The following PLEKHA7 variants were observed in gnomAD, a reference collection of about 807,000 sequenced individuals.
PLEKHA7 encodes the protein pleckstrin homology domain containing A7.
In PLEKHA7, 104 loss-of-function variants were observed where a neutral mutation model predicts 170.0. The ratio of observed to expected loss-of-function variants is 0.61; its 90% CI spans 0.52 to 0.72. The LOEUF is 0.72. Among genes scored for constraint, PLEKHA7 ranks in the 30% least tolerant of loss-of-function variants. The pLI, the probability that PLEKHA7 is intolerant of heterozygous loss-of-function variation, is 0.00. For synonymous variants in PLEKHA7, 648 were observed against 660.8 expected (o/e 0.98, Z 0.30); for missense variants, 1,615 against 1,671.7 (o/e 0.97, Z 0.59).
chr11:16,911,110 T>C (rs190186517), intron 3 of PLEKHA7, among the ~76,000 whole-genome samples: 36 of 152,330 alleles, frequency 2.4e-4, no homozygotes, highest in Non-Finnish European at 4.1e-4. Flanking sequence ...CCAAGAGGAA[T>C]CTGTTATAGG....
intron 19 of PLEKHA7, among the ~76,000 whole-genome samples, chr11:16,792,924 G>A (rs947057566): frequency 3.9e-5 from 6 of 152,138 alleles, no homozygotes; most frequent in Non-Finnish European, 8.8e-5. Flanking sequence ...CAGGCAAGCA[G>A]CACCACGCCC....
chr11:16,817,412 G>A lies in PLEKHA7; in HGVS notation c.1344-90C>T. Reference sequence around the variant, plus strand: ...TATCTAAGTAAACCCACAAAGCTGGGCATGTGGGACAGTCCTGTAAGAACC... The same window carrying A: ...TATCTAAGTAAACCCACAAAGCTGGACATGTGGGACAGTCCTGTAAGAACC... On this transcript the variant is annotated intron_variant, in intron 10 of 26. Transcript: ENST00000531066. This position sits in a 1 kb window ranked among gnomAD's most constrained non-coding sequence, Gnocchi z 4.4. The A allele has an allele frequency of 1.5e-6, 2 of 1,327,624 alleles. No individual in the cohort carries two copies. Among genetic ancestry groups the A allele is most frequent in the Admixed American group, 2.3e-5 (1 of 43,718 alleles). The allele number at this position is 1,327,624 out of a possible 1,614,324, so 82.2% of individuals were successfully genotyped here. A position where few individuals can be genotyped will look rare whatever the true frequency, so the allele number is the denominator to read the frequency against.
intron 8 of PLEKHA7, among the ~76,000 whole-genome samples, chr11:16,847,313 C>T (rs1474110621): frequency 5.3e-5 from 8 of 151,724 alleles, no homozygotes; most frequent in African/African-American, 1.7e-4. Flanking sequence ...AGGATGGTCT[C>T]GATCTCCTGA....
intron 8 of PLEKHA7, among the ~76,000 whole-genome samples, chr11:16,847,078 GTTTTTTTTTTTCTT>G (rs1852471208): frequency 1.5e-5 from 2 of 129,536 alleles, no homozygotes; most frequent in Non-Finnish European, 3.3e-5. Context: ...TGTGGCTGAA[GTTTTTTTTTTTCTT>G]TTTTTTTTTT....
Position 16,794,759 on chromosome 11 carries a change from C to A in PLEKHA7, c.2519-45G>T, listed in dbSNP as rs537485451. On this transcript the variant is annotated intron_variant, in intron 18 of 26. Transcript: ENST00000531066. ...ACAAAGCACGGGATGGAACAAAGAC[C>A]CCCTTCCTTGGAGGATGAGTGGAGT... 170 of 1,590,838 alleles carry A rather than the reference C, an allele frequency of 1.1e-4. No homozygotes were observed. The South Asian group carries it at 1.4e-3, about 14-fold the overall frequency.
chr11:16,883,521 C>T (rs116325979), intron 3 of PLEKHA7, among the ~76,000 whole-genome samples: 1,746 of 152,312 alleles, frequency 0.011, 31 homozygotes, highest in African/African-American at 0.04. Flanking sequence ...TTATCTCTCA[C>T]TGCTTCCTGA....
intron 3 of PLEKHA7, among the ~76,000 whole-genome samples, chr11:16,963,906 C>CTAAA (rs1862214751): frequency 6.6e-6 from 1 of 152,194 alleles, no homozygotes. Context: ...CAACCAACGC[C>CTAAA]ACTATGTTCC....
At chr11:16,958,640 G>T (rs1001919079) in intron 3 of PLEKHA7, among the ~76,000 whole-genome samples, 1 of 152,114 alleles carries the variant, frequency 6.6e-6, no homozygotes. Context: ...ATAAGAAAAA[G>T]AACTATTCTG....
intron 3 of PLEKHA7, among the ~76,000 whole-genome samples, chr11:16,916,421 G>C (rs4757444): frequency 6.6e-6 from 1 of 151,916 alleles, no homozygotes; most frequent in Non-Finnish European, 1.5e-5. Flanking sequence ...ACCTGGATTC[G>C]AATCTCAGCC....
chr11:16,954,880 C>T (rs1459619354), intron 3 of PLEKHA7, among the ~76,000 whole-genome samples: 14 of 151,970 alleles, frequency 9.2e-5, no homozygotes, highest in African/African-American at 3.1e-4. Flanking sequence ...TTATTAGAGA[C>T]GGGGTTTCAC....
intron 3 of PLEKHA7, among the ~76,000 whole-genome samples, chr11:16,888,261 G>T (rs1168750155): frequency 6.6e-6 from 1 of 151,952 alleles, no homozygotes; most frequent in African/African-American, 2.4e-5. Context: ...CCAGGAGGGA[G>T]GTGGGGGGCA....
intron 3 of PLEKHA7, among the ~76,000 whole-genome samples, chr11:16,894,355 G>A (rs1407447115): frequency 6.6e-6 from 1 of 152,244 alleles, no homozygotes; most frequent in Admixed American, 6.5e-5. Flanking sequence ...CCCAGTTAGA[G>A]GAACAGAGCA....
intron 3 of PLEKHA7, among the ~76,000 whole-genome samples, chr11:16,978,454 C>T (rs779348130): frequency 9.9e-5 from 15 of 152,140 alleles, no homozygotes; most frequent in Non-Finnish European, 1.8e-4. Flanking sequence ...CAAACCCAAC[C>T]ATGATGGGCT....
intron 3 of PLEKHA7, among the ~76,000 whole-genome samples, chr11:16,978,695 C>T (rs11606492): frequency 0.16 from 24,706 of 152,180 alleles, 2,528 homozygotes; most frequent in Middle Eastern, 0.3. Context: ...ATGAACATCC[C>T]TGTATGCATA....
chr11:17,002,664 G>A (rs576958990), intron 3 of PLEKHA7, among the ~76,000 whole-genome samples: 3 of 152,234 alleles, frequency 2.0e-5, no homozygotes, highest in African/African-American at 4.8e-5. Flanking sequence ...AAAGCACCAC[G>A]AAGATTATTA....
At chr11:16,947,745 GT>G (rs1861127666) in intron 3 of PLEKHA7, among the ~76,000 whole-genome samples, 1 of 151,358 alleles carries the variant, frequency 6.6e-6, no homozygotes, top group South Asian at 2.1e-4. Context: ...GTGAAACCCC[GT>G]CTCTACTAAT....
intron 15 of PLEKHA7, among the ~76,000 whole-genome samples, chr11:16,802,456 G>A (rs1848658369): frequency 6.6e-6 from 1 of 152,206 alleles, no homozygotes; most frequent in Non-Finnish European, 1.5e-5. Context: ...ACCTCACAGG[G>A]CCTCCACGGA....
chr11:16,967,192 C>T (rs1279317841), intron 3 of PLEKHA7, among the ~76,000 whole-genome samples: 2 of 152,198 alleles, frequency 1.3e-5, no homozygotes, highest in Non-Finnish European at 2.9e-5. Context: ...AGCTCAACAA[C>T]TCATCAAGTA....
In PLEKHA7 at chr11:16,879,051, T is replaced by C. The variant is rs148003945; in HGVS notation, c.222-7869A>G. On this transcript the variant is annotated intron_variant, in intron 3 of 26. Transcript: ENST00000531066. The stretch of plus-strand genomic sequence containing the variant: ...CAAAGAAAGGAATGCAAACACCTGA[T>C]AGGAAATTACTGCGTGATTAAAAAC... Among the ~76,000 whole-genome samples the C allele has an allele frequency of 5.8e-3, 879 of 152,304 alleles. 11 individuals are homozygous for C. The highest frequency in any genetic ancestry group is 0.02 in the African/African-American group (837 of 41,566).
Sources: gnomAD v4.1 joint callset for allele counts (sites outside exome capture counted in the v4.1 genomes callset) on GRCh38, gnomAD v4.1.1 for gene constraint, Gnocchi (gnomAD v3.1) non-coding constraint, MANE v1.5 for transcripts, NCBI Gene and HGNC (gene_info 2026-07-23, HGNC 2026-07-21) for gene names.